Variants in IL20RB observed in about 807,000 individuals in gnomAD.
The protein encoded by IL20RB is interleukin-20 receptor subunit beta.
IL20RB carries 21 observed loss-of-function variants against 33.3 expected under a neutral mutation model. The ratio of observed to expected loss-of-function variants is 0.63; its 90% confidence interval spans 0.45 to 0.91. The LOEUF is 0.91. Ranked by LOEUF, IL20RB falls within the 40% of genes least tolerant of loss-of-function variation. The pLI is 0.00. For synonymous variants in IL20RB, 147 were observed against 146.8 expected (o/e 1.00, Z -0.01); for missense variants, 345 against 384.8 (o/e 0.90, Z 0.86).
chr3:136,988,157 AC>A (rs1941956572), intron 3 of IL20RB, among the ~76,000 whole-genome samples: 1 of 152,100 alleles, frequency 6.6e-6, no homozygotes, highest in African/African-American at 2.4e-5. Flanking sequence ...TCTCACACTG[AC>A]CCCAGGGAAG....
chr3:136,985,581 C>T (rs554801465), intron 3 of IL20RB, among the ~76,000 whole-genome samples: 1 of 152,252 alleles, frequency 6.6e-6, no homozygotes, highest in South Asian at 2.1e-4. Flanking sequence ...AGGTGATCCG[C>T]CCACCTCAGC....
intron 3 of IL20RB, among the ~76,000 whole-genome samples, chr3:136,987,066 T>G (rs1397447046): frequency 6.6e-6 from 1 of 151,948 alleles, no homozygotes; most frequent in African/African-American, 2.4e-5. Context: ...GAGTGAGCAG[T>G]AGCAAGATTT....
chr3:136,997,823 G>T (rs1451480845), intron 6 of IL20RB, among the ~76,000 whole-genome samples: 1 of 151,850 alleles, frequency 6.6e-6, no homozygotes, highest in Non-Finnish European at 1.5e-5. Context: ...ACCCAGGCTG[G>T]AGTACAGTGG....
At chr3:137,002,051 T>C (rs1942254499) in intron 6 of IL20RB, among the ~76,000 whole-genome samples, 2 of 152,190 alleles carry the variant, frequency 1.3e-5, no homozygotes, top group African/African-American at 2.4e-5. Flanking sequence ...TGTGATAGTT[T>C]GCTGAGAATG....
At chr3:136,995,175 G>C (rs1468885632) in intron 5 of IL20RB, among the ~76,000 whole-genome samples, 1 of 152,176 alleles carries the variant, frequency 6.6e-6, no homozygotes, top group Non-Finnish European at 1.5e-5. Flanking sequence ...TGTGTCACAA[G>C]GAAAAGATTT....
intron 6 of IL20RB, among the ~76,000 whole-genome samples, chr3:137,007,838 T>C (rs1932957690): frequency 6.6e-6 from 1 of 152,136 alleles, no homozygotes; most frequent in African/African-American, 2.4e-5. Flanking sequence ...GTACCTCAGT[T>C]GGAAATGCAG....
rs147518832 is a variant in IL20RB, at chr3:136,980,556, C to A, written c.179C>A (p.Pro60His). ...HLLMWSPVIA[P>H]GETVYYSVEY... ...TTGATGTGGAGCCCAGTGATCGCGC[C>A]TGGAGAAACAGTGTACTATTCTGTC... is the stretch of plus-strand genomic sequence containing the variant. Residue 60 changes from proline to histidine, a missense_variant, in exon 2 of 7, where the codon CCT (proline) becomes CAT (histidine). By Grantham distance (77) the Pro-to-His change is moderately conservative. Transcript: ENST00000329582. 4.2e-4 allele frequency: 673 copies of A among 1,614,200 alleles called. 3 individuals are homozygous for A. The African/African-American group carries it at 7.3e-3, about 17-fold the overall frequency.
At chr3:136,997,909 T>C (rs1942162382) in intron 6 of IL20RB, among the ~76,000 whole-genome samples, 1 of 151,988 alleles carries the variant, frequency 6.6e-6, no homozygotes, top group Non-Finnish European at 1.5e-5. Flanking sequence ...TAGCTGGGAC[T>C]ACAGGTGCAT....
rs1476802884 is a variant in IL20RB at position 137,010,346 on chromosome 3, T to C, written c.*123T>C. On this transcript the variant is annotated 3_prime_UTR_variant, in exon 7 of 7. Coordinates refer to ENST00000329582, the MANE Select transcript of IL20RB (RefSeq NM_144717.4). ...GGATGAGAGAAGTAGGAAGAGCCTG[T>C]TGTCTACAAGTCTAGAAGCAACCAT... The C allele has an allele frequency of 3.1e-6, 2 of 647,858 alleles. No homozygotes were observed. The highest frequency in any genetic ancestry group is 5.7e-6 in the Non-Finnish European group (2 of 353,700). The allele number at this position is 647,858 out of a possible 1,614,324, so 40.1% of individuals were successfully genotyped here. A position where few individuals can be genotyped will look rare whatever the true frequency, so the allele number is the denominator to read the frequency against.
At chr3:136,959,471 A>T (rs1941135487) in intron 1 of IL20RB, 1 of 152,240 alleles carries the variant, frequency 6.6e-6, no homozygotes, top group African/African-American at 2.4e-5. Context: ...CAGGCTAAGC[A>T]TGCTGGTTGT....
At chr3:136,981,265 T>TTTAAA (rs3054095) in intron 2 of IL20RB, among the ~76,000 whole-genome samples, 4,673 of 146,494 alleles carry the variant, frequency 0.032, 133 homozygotes, top group African/African-American at 0.066. Flanking sequence ...GCTATTTAAA[T>TTTAAA]TTAAATTAAA....
chr3:137,002,673 T>C (rs892626948), intron 6 of IL20RB, among the ~76,000 whole-genome samples: 3 of 152,192 alleles, frequency 2.0e-5, no homozygotes, highest in Non-Finnish European at 4.4e-5. Context: ...ATATTAGTCC[T>C]TTGTCAGATG....
At chr3:136,960,725 T>C (rs1941196293) in intron 1 of IL20RB, among the ~76,000 whole-genome samples, 1 of 152,164 alleles carries the variant, frequency 6.6e-6, no homozygotes, top group Non-Finnish European at 1.5e-5. Flanking sequence ...AGTGCAGGAA[T>C]TGGGATTTGA....
intron 6 of IL20RB, among the ~76,000 whole-genome samples, chr3:136,998,009 A>G (rs1462502895): frequency 1.3e-5 from 2 of 151,964 alleles, no homozygotes; most frequent in Admixed American, 6.6e-5. Context: ...ACCTCAGGTG[A>G]TCCACCCGCC....
intron 6 of IL20RB, among the ~76,000 whole-genome samples, chr3:137,008,359 G>A (rs891454300): frequency 3.9e-5 from 6 of 152,210 alleles, no homozygotes; most frequent in Non-Finnish European, 7.3e-5. Flanking sequence ...TGGCAAATAT[G>A]TTTCATCTTC....
rs546193735 is a variant in IL20RB at position 136,959,229 on chromosome 3, C to T, written c.88+1028C>T. 2.6e-5 allele frequency: 4 copies of T among 152,334 alleles called. No homozygotes were observed. The East Asian group carries it at 7.7e-4, about 29-fold the overall frequency. The allele number at this position is 152,334 out of a possible 1,614,324, so 9.4% of individuals were successfully genotyped here. Reference sequence around the variant, plus strand: ...ACTCCTTGAAAACGAATATGGACTACAAGCAGCTGCTGGCTTAACAGTCAG... The same window carrying T: ...ACTCCTTGAAAACGAATATGGACTATAAGCAGCTGCTGGCTTAACAGTCAG... On this transcript the variant is annotated intron_variant, in intron 1 of 6. Coordinates refer to ENST00000329582, the MANE Select transcript of IL20RB (RefSeq NM_144717.4).
chr3:136,977,673 G>C (rs147406336), intron 1 of IL20RB, among the ~76,000 whole-genome samples: 36 of 152,136 alleles, frequency 2.4e-4, no homozygotes, highest in African/African-American at 8.4e-4. Flanking sequence ...TTACAGGCAC[G>C]CACTACCACG....
chr3:136,990,963 A>C (rs1942020025), intron 4 of IL20RB, among the ~76,000 whole-genome samples: 1 of 152,228 alleles, frequency 6.6e-6, no homozygotes, highest in South Asian at 2.1e-4. Context: ...GATGGAGCCC[A>C]CTACCCACCT....
intron 4 of IL20RB, among the ~76,000 whole-genome samples, chr3:136,991,180 G>A (rs1162105100): frequency 6.6e-6 from 1 of 152,208 alleles, no homozygotes; most frequent in African/African-American, 2.4e-5. Context: ...TTCCTTGGCA[G>A]CAGTGGCCAT....
Sources: allele counts gnomAD v4.1 joint callset (sites outside exome capture counted in the v4.1 genomes callset), GRCh38; gene constraint gnomAD v4.1.1; transcripts MANE v1.5; gene names NCBI Gene and HGNC (gene_info 2026-07-23, HGNC 2026-07-21).